Variants in NRXN2 observed in about 807,000 individuals in gnomAD.
NRXN2 encodes neurexin-2-beta.
NRXN2 carries 29 observed loss-of-function variants against 128.8 expected under a neutral mutation model. The observed-to-expected ratio is 0.23, with a 90% CI of 0.17 to 0.31. The LOEUF (loss-of-function observed/expected upper bound fraction) is 0.31, where lower values mean the gene tolerates loss of function less well. Among genes scored for constraint, NRXN2 ranks in the 10% least tolerant of loss-of-function variants. The pLI, the probability that NRXN2 is intolerant of heterozygous loss-of-function variation, is 1.00. For missense variants in NRXN2, 1,881 were observed against 2,452.6 expected (o/e 0.77, Z 4.92); for synonymous variants, 1,098 against 1,075.2 (o/e 1.02, Z -0.41).
intron 3 of NRXN2, among the ~76,000 whole-genome samples, chr11:64,696,523 A>C (rs1183148532): frequency 3.6e-5 from 4 of 111,142 alleles, no homozygotes. Context: ...CCACACATAC[A>C]TACATACACA....
chr11:64,703,709 C>T (rs2055814722), intron 2 of NRXN2, among the ~76,000 whole-genome samples: 1 of 152,218 alleles, frequency 6.6e-6, no homozygotes, highest in Non-Finnish European at 1.5e-5. Context: ...ATAACTCACA[C>T]TCAGTCATCC....
At chr11:64,650,906 G>C (rs1398515089) in intron 14 of NRXN2, among the ~76,000 whole-genome samples, 1 of 152,168 alleles carries the variant, frequency 6.6e-6, no homozygotes, top group Non-Finnish European at 1.5e-5. Context: ...GAGGTTTGTG[G>C]GTCAGCAGGG....
chr11:64,685,190 T>C (rs2052842255), intron 6 of NRXN2, among the ~76,000 whole-genome samples: 1 of 152,134 alleles, frequency 6.6e-6, no homozygotes, highest in Non-Finnish European at 1.5e-5. Flanking sequence ...GCTGCCCTAG[T>C]GTTGGGACAC....
chr11:64,644,998 GC>G (rs2046416762), intron 17 of NRXN2, among the ~76,000 whole-genome samples: 1 of 152,132 alleles, frequency 6.6e-6, no homozygotes, highest in Non-Finnish European at 1.5e-5. Context: ...GCTGGATTTG[GC>G]CCCCAGGTCT....
rs1258009223 is a variant in NRXN2, at chr11:64,697,785, G to T, written c.738C>A (p.His246Gln). Reference sequence around the variant, plus strand: ...AGAGGCTTCACTCACCTTCCATGGGGTGCTCCTCTGCAGCCAGCGAGGTTC... The same window carrying T: ...AGAGGCTTCACTCACCTTCCATGGGTTGCTCCTCTGCAGCCAGCGAGGTTC... The part of the protein sequence containing the change: ...FGGKFCSEEE[H>Q]PMEGPAHLTL... The change falls in exon 3 of 23, where the codon CAC (histidine) becomes CAA (glutamine). Residue 246 changes from histidine (H) to glutamine (Q), a missense_variant. Physicochemically the swap from His to Gln is conservative, Grantham distance 24 (BLOSUM62 0). Transcript: ENST00000265459. The T allele has an allele frequency of 6.2e-7, 1 of 1,613,898 alleles. No individual in the cohort carries two copies. Among genetic ancestry groups the T allele is most frequent in the Non-Finnish European group, 8.5e-7 (1 of 1,179,876 alleles).
In NRXN2 at chr11:64,688,052, A is replaced by G. The variant is rs183600417; in HGVS notation, c.851-2105T>C. Among the ~76,000 whole-genome samples, 32 of 152,360 alleles carry G rather than the reference A, an allele frequency of 2.1e-4. 1 individual carries two copies. In the East Asian group the frequency reaches 4.0e-3, roughly 19 times the overall value. On this transcript the variant is annotated intron_variant, in intron 5 of 22. Coordinates refer to ENST00000265459, the MANE Select transcript of NRXN2 (RefSeq NM_015080.4). Reference sequence around the variant, plus strand: ...CACTGCAGTCAAAGAAAGTATCATTAAAGAGAGTCAAACAGAAAGAAAGAA... The same window carrying G: ...CACTGCAGTCAAAGAAAGTATCATTGAAGAGAGTCAAACAGAAAGAAAGAA...
Position 64,606,821 on chromosome 11 carries a change from T to G in NRXN2, c.*375A>C. 2 of 211,672 alleles carry G rather than the reference T, an allele frequency of 9.4e-6. No homozygotes were observed. The highest frequency in any genetic ancestry group is 9.5e-6 in the Non-Finnish European group (1 of 104,910). The allele number at this position is 211,672 out of a possible 1,614,324, so 13.1% of individuals were successfully genotyped here. On this transcript the variant is annotated 3_prime_UTR_variant, in exon 23 of 23. Transcript: ENST00000265459. ...GGGACAGAAGGAAGAAGAAGAAAAA[T>G]TGAGGAAAATTAACAGGACGAGCAG...
chr11:64,690,786 C>A (rs2053700960), intron 4 of NRXN2, among the ~76,000 whole-genome samples: 2 of 152,130 alleles, frequency 1.3e-5, no homozygotes, highest in African/African-American at 4.8e-5. Context: ...TTCCCCACAG[C>A]AGGCAAACAG....
intron 17 of NRXN2, among the ~76,000 whole-genome samples, chr11:64,638,425 G>C (rs2045130283): frequency 6.6e-6 from 1 of 152,284 alleles, no homozygotes; most frequent in Non-Finnish European, 1.5e-5. Context: ...GCTGGGGTTC[G>C]GGAGACCGCG....
In NRXN2 at chr11:64,623,013, G is replaced by C. The variant is rs1353972743; in HGVS notation, c.3913C>G (p.Pro1305Ala). ...IKIGGRDQGR[P>A]FQGQVSGLYY... is the part of the protein sequence containing the mutation. ...AGGCCGGACACCTGGCCCTGGAAGG[G>C]GCGGCCCTGATCCCGGCCCCCGATC... The change falls in exon 21 of 23, where the codon CCC becomes GCC. Residue 1305 changes from proline to alanine, a missense_variant. Physicochemically the swap from Pro to Ala is conservative, Grantham distance 27 (BLOSUM62 -1). Around this residue, in one of 7 missense-constraint regions of NRXN2, gnomAD observed 108 missense variants for 165.2 expected, o/e 0.65. Coordinates refer to ENST00000265459, the MANE Select transcript of NRXN2 (RefSeq NM_015080.4). The surrounding 1 kb of genome is among the most constrained non-coding windows in gnomAD (Gnocchi z 4.9). 1 of 1,612,826 alleles carries C rather than the reference G, an allele frequency of 6.2e-7. No individual in the cohort carries two copies. Among genetic ancestry groups the C allele is most frequent in the Non-Finnish European group, 8.5e-7 (1 of 1,179,766 alleles).
chr11:64,652,176 G>A (rs1237663455), intron 12 of NRXN2, 22 bp from the exon 13 acceptor site: 1 of 1,606,280 alleles, frequency 6.2e-7, no homozygotes, highest in East Asian at 2.2e-5. Context: ...AGGGGGGAAT[G>A]AGGAGGGCAC....
At chr11:64,613,195 T>C (rs745511312) in intron 22 of NRXN2, among the ~76,000 whole-genome samples, 11 of 152,348 alleles carry the variant, frequency 7.2e-5, no homozygotes, top group African/African-American at 1.7e-4. Context: ...CCCAAGCACA[T>C]GTGTGCATGC....
intron 6 of NRXN2, among the ~76,000 whole-genome samples, chr11:64,679,048 T>C (rs2135546011): frequency 6.6e-6 from 1 of 152,136 alleles, no homozygotes; most frequent in Admixed American, 6.5e-5. Flanking sequence ...GGGGATAGCG[T>C]GTGGTAAGAG....
intron 9 of NRXN2, among the ~76,000 whole-genome samples, chr11:64,664,016 T>C (rs1280755793): frequency 2.0e-5 from 3 of 151,982 alleles, no homozygotes; most frequent in Non-Finnish European, 4.4e-5. Flanking sequence ...GAAAGTAGAA[T>C]GGTGAGTGCC....
intron 6 of NRXN2, among the ~76,000 whole-genome samples, chr11:64,683,750 C>T (rs1244354864): frequency 1.3e-5 from 2 of 152,304 alleles, no homozygotes; most frequent in East Asian, 1.9e-4. Context: ...ATATGACCTG[C>T]CTCTCTGCTC....
rs555731754 is a variant in NRXN2 at position 64,687,609 on chromosome 11, C to A, written c.851-1662G>T. On this transcript the variant is annotated intron_variant, in intron 5 of 22. Coordinates refer to ENST00000265459, the MANE Select transcript of NRXN2 (RefSeq NM_015080.4). ...GAGGGCCAGAAAGCAAAAGTGAGGA[C>A]CCCAGCAGAGACAAGAGGGTAAGGC... 3.9e-5 allele frequency among the ~76,000 whole-genome samples: 6 copies of A among 152,128 alleles called. 1 individual carries two copies. In the South Asian group the frequency reaches 1.2e-3, roughly 32 times the overall value.
chr11:64,720,054 T>G (rs2135695941), intron 1 of NRXN2, among the ~76,000 whole-genome samples: 1 of 152,312 alleles, frequency 6.6e-6, no homozygotes, highest in South Asian at 2.1e-4. Context: ...GTCCTCTCAG[T>G]GAGTCCTCAT....
Position 64,623,357 on chromosome 11 carries a change from C to A in NRXN2, c.3848-279G>T, listed in dbSNP as rs2042648243. The A allele has an allele frequency of 7.4e-6, 4 of 538,370 alleles. No homozygotes were observed. The highest frequency in any genetic ancestry group is 1.0e-5 in the Non-Finnish European group (3 of 299,818). 33.3% of individuals were successfully genotyped at this position (538,370 alleles called of 1,614,324 possible). ...GGGGAGCCCAGTCCCTCCTCCCCAC[C>A]ATGTGCAAGCCTTCCCACCTTCCCC... On this transcript the variant is annotated intron_variant, in intron 20 of 22. Transcript: ENST00000265459. This position sits in a 1 kb window ranked among gnomAD's most constrained non-coding sequence, Gnocchi z 4.9.
At chr11:64,681,101 AAAAAAAAAAAAAAGT>A (rs1370486929) in intron 6 of NRXN2, among the ~76,000 whole-genome samples, 78 of 149,084 alleles carry the variant, frequency 5.2e-4, no homozygotes, top group Non-Finnish European at 8.7e-4. Flanking sequence ...TATCTCCAAA[AAAAAAAAAAAAAAGT>A]AAAAAAAAAA....
Sources: allele counts gnomAD v4.1 joint callset (sites outside exome capture counted in the v4.1 genomes callset), GRCh38; gene constraint gnomAD v4.1.1; regional missense constraint gnomAD v4.1.1; non-coding constraint Gnocchi (gnomAD v3.1); transcripts MANE v1.5; gene names NCBI Gene and HGNC (gene_info 2026-07-23, HGNC 2026-07-21).